Variants in ROBO2 observed in about 807,000 individuals in gnomAD.
The protein encoded by ROBO2 is roundabout homolog 2.
A neutral mutation model predicts 160.8 loss-of-function variants in ROBO2; 53 were observed. That is an observed-to-expected ratio of 0.33 (90% CI 0.26 to 0.41). ROBO2 has a LOEUF of 0.41. Among genes scored for constraint, ROBO2 ranks in the 10% least tolerant of loss-of-function variants. The pLI, the probability that ROBO2 is intolerant of heterozygous loss-of-function variation, is 1.00. For missense variants in ROBO2, 1,577 were observed against 1,722.4 expected, an observed-to-expected ratio of 0.92 and a Z score of 1.49; for synonymous variants, 664 against 611.7, an observed-to-expected ratio of 1.09 and a Z score of -1.26.
chr3:76,265,748 G>A (rs1191215410), intron 2 of ROBO2, among the ~76,000 whole-genome samples: 3 of 152,056 alleles, frequency 2.0e-5, no homozygotes, highest in Non-Finnish European at 4.4e-5. Context: ...CAGAACCAGA[G>A]GTTGAACAAA....
At chr3:77,225,074 A>ATAATC (rs1363067784) in intron 2 of ROBO2, among the ~76,000 whole-genome samples, 1 of 151,888 alleles carries the variant, frequency 6.6e-6, no homozygotes, top group Non-Finnish European at 1.5e-5. Flanking sequence ...TGAGCTAGAT[A>ATAATC]TAATCATAAG....
chr3:76,595,159 C>T (rs964482114), intron 2 of ROBO2, among the ~76,000 whole-genome samples: 2 of 151,970 alleles, frequency 1.3e-5, no homozygotes, highest in African/African-American at 4.8e-5. Flanking sequence ...TTCTAGAACT[C>T]AGGAATTTTT....
chr3:76,544,540 C>T lies in ROBO2; in HGVS notation c.110-553474C>T, dbSNP rs186247030. On this transcript the variant is annotated intron_variant, in intron 2 of 26. Transcript: ENST00000487694. ...GTGTATTCCATTTTTCTGCATCTAT[C>T]GCTACACTTATACATACCAAATTAT... 1.0e-3 allele frequency among the ~76,000 whole-genome samples: 153 copies of T among 152,014 alleles called. 1 individual carries two copies. The highest frequency in any genetic ancestry group is 7.6e-3 in the Admixed American group (116 of 15,248).
chr3:77,148,430 C>A (rs76451747), intron 2 of ROBO2, among the ~76,000 whole-genome samples: 3,390 of 152,200 alleles, frequency 0.022, 71 homozygotes, highest in South Asian at 0.063. Context: ...AACTTTTTTT[C>A]TTTCTCTCTT....
rs141704834 is a variant in ROBO2 at position 76,535,814 on chromosome 3, T to C, written c.110-562200T>C. Among the ~76,000 whole-genome samples, 14 of 152,086 alleles carry C rather than the reference T, an allele frequency of 9.2e-5. No individual in the cohort carries two copies. In the East Asian group the frequency reaches 2.3e-3, roughly 25 times the overall value. ...GTGGAGTGGGTAGCCCCTGTACCAA[T>C]TGAAAAGGAGAAGGACTTACCCTCC... is the stretch of plus-strand genomic sequence containing the variant. On this transcript the variant is annotated intron_variant, in intron 2 of 26. Coordinates refer to the ROBO2 transcript ENST00000487694.
intron 2 of ROBO2, among the ~76,000 whole-genome samples, chr3:76,321,832 A>C (rs1477311210): frequency 6.6e-6 from 1 of 152,080 alleles, no homozygotes; most frequent in Non-Finnish European, 1.5e-5. Context: ...GTGTTTAGGG[A>C]ACAATTCTGT....
intron 5 of ROBO2, among the ~76,000 whole-genome samples, chr3:77,508,150 A>G (rs951572974): frequency 1.2e-4 from 18 of 151,714 alleles, no homozygotes; most frequent in Admixed American, 3.3e-4. Flanking sequence ...TGTTCTCAGA[A>G]CTGCAGGGAG....
intron 2 of ROBO2, among the ~76,000 whole-genome samples, chr3:76,911,216 TC>T (rs1314142528): frequency 6.6e-6 from 1 of 152,190 alleles, no homozygotes; most frequent in Non-Finnish European, 1.5e-5. Flanking sequence ...AAAATGACTG[TC>T]AATAAGTAGT....
intron 2 of ROBO2, among the ~76,000 whole-genome samples, chr3:76,998,562 A>C (rs751025888): frequency 2.0e-4 from 30 of 152,258 alleles, no homozygotes; most frequent in Non-Finnish European, 3.4e-4. Flanking sequence ...ATTACTCAAC[A>C]ATTTATAGCT....
At chr3:76,313,761 C>T (rs1227485639) in intron 2 of ROBO2, among the ~76,000 whole-genome samples, 1 of 151,666 alleles carries the variant, frequency 6.6e-6, no homozygotes. Context: ...TTTTTTCTTG[C>T]ACTCACACTG....
chr3:76,972,361 T>A (rs7642348), intron 2 of ROBO2, among the ~76,000 whole-genome samples: 11,972 of 151,812 alleles, frequency 0.079, 1,603 homozygotes, highest in African/African-American at 0.27. Flanking sequence ...TTTTTTTTTT[T>A]AATTTCTTCA....
chr3:77,115,519 T>C (rs569434828), intron 2 of ROBO2, among the ~76,000 whole-genome samples: 1 of 152,344 alleles, frequency 6.6e-6, no homozygotes, highest in East Asian at 1.9e-4. Context: ...ACTCTTGTGA[T>C]ATCTTTGTGA....
At chr3:76,036,755 C>T (rs996265601) in intron 2 of ROBO2, among the ~76,000 whole-genome samples, 30 of 148,292 alleles carry the variant, frequency 2.0e-4, no homozygotes, top group African/African-American at 6.0e-4. Context: ...CTGCCCACCT[C>T]GGCCTCCCAA....
At chr3:76,397,810 A>G (rs1442425202) in intron 2 of ROBO2, among the ~76,000 whole-genome samples, 1 of 151,994 alleles carries the variant, frequency 6.6e-6, no homozygotes, top group African/African-American at 2.4e-5. Flanking sequence ...GCAATCATTA[A>G]AAAGTCAGGA....
chr3:77,114,049 G>T (rs2073956086), intron 2 of ROBO2, among the ~76,000 whole-genome samples: 1 of 152,120 alleles, frequency 6.6e-6, no homozygotes, highest in African/African-American at 2.4e-5. Context: ...TCTTTCATCG[G>T]GCAGCAATGT....
At chr3:76,834,066 CTT>C (rs1364904269) in intron 2 of ROBO2, among the ~76,000 whole-genome samples, 1 of 74,654 alleles carries the variant, frequency 1.3e-5, no homozygotes, top group African/African-American at 5.3e-5. Flanking sequence ...TCTTTCTTTT[CTT>C]TCTTTCTTTC....
intron 1 of ROBO2, among the ~76,000 whole-genome samples, chr3:77,063,263 G>A (rs891007231): frequency 6.6e-6 from 1 of 152,202 alleles, no homozygotes; most frequent in African/African-American, 2.4e-5. Flanking sequence ...ATGGCTGGGA[G>A]AGGAGTGTAC....
chr3:77,584,955 CAT>C (rs1329883159), intron 16 of ROBO2, among the ~76,000 whole-genome samples: 1 of 147,730 alleles, frequency 6.8e-6, no homozygotes, highest in Non-Finnish European at 1.5e-5. Context: ...TACACACACA[CAT>C]ATATATACAC....
At chr3:76,581,124 C>T (rs1032580197) in intron 2 of ROBO2, among the ~76,000 whole-genome samples, 17 of 152,180 alleles carry the variant, frequency 1.1e-4, no homozygotes, top group African/African-American at 4.1e-4. Context: ...TCACAAGGCT[C>T]AGAAATTTAC....
Sources: gnomAD v4.1 joint callset for allele counts (sites outside exome capture counted in the v4.1 genomes callset) on GRCh38, gnomAD v4.1.1 for gene constraint, MANE v1.5 for transcripts, NCBI Gene and HGNC (gene_info 2026-07-23, HGNC 2026-07-21) for gene names.